The following CRISPLD2 variants were observed in gnomAD, a reference collection of about 807,000 sequenced individuals.
CRISPLD2 encodes cysteine rich secretory protein LCCL domain containing 2, also known as cysteine-rich secretory protein LCCL domain-containing 2.
A neutral mutation model predicts 71.1 loss-of-function variants in CRISPLD2; 47 were observed. The ratio of observed to expected loss-of-function variants is 0.66; its 90% CI spans 0.52 to 0.84. CRISPLD2 has a LOEUF of 0.84. Ranked by LOEUF, CRISPLD2 falls within the 40% of genes least tolerant of loss-of-function variation. The pLI is 0.00. For missense variants in CRISPLD2, 830 were observed against 651.1 expected, an observed-to-expected ratio of 1.27 and a Z score of -2.99; for synonymous variants, 317 against 250.1, an observed-to-expected ratio of 1.27 and a Z score of -2.52.
At chr16:84,885,452 C>A (rs1025981884) in intron 13 of CRISPLD2, among the ~76,000 whole-genome samples, 5 of 152,172 alleles carry the variant, frequency 3.3e-5, no homozygotes, top group Non-Finnish European at 7.3e-5. Flanking sequence ...ACAGGGAGGC[C>A]GGCCATCCCC....
At chr16:84,866,184 T>C (rs1355879916) in intron 6 of CRISPLD2, among the ~76,000 whole-genome samples, 1 of 151,976 alleles carries the variant, frequency 6.6e-6, no homozygotes, top group African/African-American at 2.4e-5. Context: ...GACAGGGGAC[T>C]TCCAGCAAGT....
At chr16:84,820,594 G>T (rs1265471021) in intron 1 of CRISPLD2, among the ~76,000 whole-genome samples, 3 of 152,168 alleles carry the variant, frequency 2.0e-5, no homozygotes, top group Non-Finnish European at 4.4e-5. Flanking sequence ...AGTTTAGAGG[G>T]CCACGCCCCT....
chr16:84,858,045 C>T (rs2143242053), intron 6 of CRISPLD2, among the ~76,000 whole-genome samples: 1 of 152,290 alleles, frequency 6.6e-6, no homozygotes, highest in South Asian at 2.1e-4. Context: ...AGGCCAAGAG[C>T]TGTCTCTCAA....
Position 84,867,190 on chromosome 16 carries a change from A to G in CRISPLD2, c.853+150A>G, listed in dbSNP as rs146140294. 4.1e-3 allele frequency: 3,065 copies of G among 751,274 alleles called. 57 individuals carry two copies. The African/African-American group carries it at 0.046, about 11-fold the overall frequency. 46.5% of individuals were successfully genotyped at this position (751,274 alleles called of 1,614,324 possible). ...CGGCGAAGCTCATGGAGGCACAACC[A>G]TAAGACGTTTTTCAAAAACGATATT... On this transcript the variant is annotated intron_variant, in intron 7 of 14. Transcript: ENST00000262424.
chr16:84,854,516 C>T (rs1470490950), intron 5 of CRISPLD2, among the ~76,000 whole-genome samples: 2 of 152,142 alleles, frequency 1.3e-5, no homozygotes, highest in Non-Finnish European at 2.9e-5. Flanking sequence ...TAGCTCCCTT[C>T]TGCAGAATCG....
chr16:84,834,613 G>A (rs1035016969), intron 1 of CRISPLD2, among the ~76,000 whole-genome samples: 4 of 152,210 alleles, frequency 2.6e-5, no homozygotes, highest in African/African-American at 9.7e-5. Flanking sequence ...AAACAGTCCT[G>A]TCCAGCCATG....
chr16:84,873,001 A>C lies in CRISPLD2; in HGVS notation c.991A>C (p.Ile331Leu). The C allele has an allele frequency of 6.2e-7, 1 of 1,612,976 alleles. No individual in the cohort carries two copies. ...GTLFYESSSS[I>L]CRAAIHYGIL... ...CTTCCCTTCCCGCCAGTCGTCTAGCATATGCCGCGCCGCCATCCACTACGG... is the reference window on the plus strand; with the variant it reads ...CTTCCCTTCCCGCCAGTCGTCTAGCCTATGCCGCGCCGCCATCCACTACGG... The change falls in exon 10 of 15, where the codon ATA becomes CTA. Residue 331 changes from isoleucine to leucine, a missense_variant. By Grantham distance (5) the Ile-to-Leu change is conservative. Transcript: ENST00000262424.
intron 4 of CRISPLD2, among the ~76,000 whole-genome samples, chr16:84,849,892 ATTT>A (rs67724936): frequency 1.2e-4 from 16 of 129,972 alleles, no homozygotes; most frequent in Non-Finnish European, 1.6e-4. Flanking sequence ...TAATTTTTGT[ATTT>A]TTTTTTTTTT....
At chr16:84,899,547 G>T (rs1378415303) in intron 14 of CRISPLD2, among the ~76,000 whole-genome samples, 3 of 152,190 alleles carry the variant, frequency 2.0e-5, no homozygotes, top group Admixed American at 2.0e-4. Flanking sequence ...AAACCTGCGG[G>T]AATTTTTACC....
intron 14 of CRISPLD2, among the ~76,000 whole-genome samples, chr16:84,896,635 A>G (rs1368525595): frequency 6.6e-6 from 1 of 152,110 alleles, no homozygotes; most frequent in Non-Finnish European, 1.5e-5. Flanking sequence ...AAGGTAGGCG[A>G]GGCTGAGCTG....
At chr16:84,900,009 G>A (rs1399070237) in intron 14 of CRISPLD2, among the ~76,000 whole-genome samples, 1 of 152,092 alleles carries the variant, frequency 6.6e-6, no homozygotes. Context: ...CATCCCCCAA[G>A]GCCTGAGGAG....
rs138673160 is a variant in CRISPLD2, at chr16:84,893,384, C to A, written c.1439+4021C>A. Among the ~76,000 whole-genome samples, 386 of 152,294 alleles carry A rather than the reference C, an allele frequency of 2.5e-3. 1 individual carries two copies. Among genetic ancestry groups the A allele is most frequent in the African/African-American group, 8.8e-3 (367 of 41,574 alleles). On this transcript the variant is annotated intron_variant, in intron 14 of 14. Transcript: ENST00000262424. Reference sequence around the variant, plus strand: ...CAGGTGGCTGGATCCTAAGAAATGGCCTACATGACTTATCTCTCAGGATGA... The same window carrying A: ...CAGGTGGCTGGATCCTAAGAAATGGACTACATGACTTATCTCTCAGGATGA...
intron 6 of CRISPLD2, among the ~76,000 whole-genome samples, chr16:84,858,252 T>C (rs1006642076): frequency 1.3e-5 from 2 of 152,188 alleles, no homozygotes; most frequent in Admixed American, 1.3e-4. Flanking sequence ...CCTGGACCTG[T>C]TGCAGAGCCT....
intron 6 of CRISPLD2, among the ~76,000 whole-genome samples, chr16:84,864,776 G>A (rs2143263655): frequency 6.6e-6 from 1 of 152,338 alleles, no homozygotes; most frequent in Non-Finnish European, 1.5e-5. Context: ...GTTCGCAGCT[G>A]GTGGATGAGG....
chr16:84,850,939 C>G (rs1459597565), intron 5 of CRISPLD2, among the ~76,000 whole-genome samples: 1 of 151,934 alleles, frequency 6.6e-6, no homozygotes, highest in Non-Finnish European at 1.5e-5. Context: ...CACATCTCCC[C>G]AAGCACAAGG....
Position 84,889,301 on chromosome 16 carries a change from G to C in CRISPLD2, c.1377G>C (p.Val459=), listed in dbSNP as rs915734546. The C allele has an allele frequency of 5.6e-6, 9 of 1,614,014 alleles. No individual in the cohort carries two copies. The Admixed American group carries it at 1.2e-4, about 21-fold the overall frequency. ...ACGAGAGTGGGGGTGACGTGGACGT[G>C]ATGCCCGTGGATAAAAAGAAGACCT... ...ISNESGGDVD[V]MPVDKKKTYV... The change falls in exon 14 of 15, where the codon GTG becomes GTC. Residue 459 remains valine (V), a synonymous_variant. Transcript: ENST00000262424.
chr16:84,893,096 C>G (rs2071676952), intron 14 of CRISPLD2, among the ~76,000 whole-genome samples: 1 of 151,842 alleles, frequency 6.6e-6, no homozygotes, highest in African/African-American at 2.4e-5. Context: ...GGAGTGAGCA[C>G]TGGAGCCCCC....
intron 8 of CRISPLD2, among the ~76,000 whole-genome samples, chr16:84,869,343 C>G (rs948625520): frequency 2.6e-5 from 4 of 152,204 alleles, no homozygotes; most frequent in African/African-American, 9.7e-5. Flanking sequence ...CCCTCAGAGT[C>G]AAATGGGAAA....
chr16:84,876,255 A>C (rs1412721412), intron 11 of CRISPLD2, among the ~76,000 whole-genome samples: 1 of 152,202 alleles, frequency 6.6e-6, no homozygotes, highest in East Asian at 1.9e-4. Flanking sequence ...TAATCCCAGC[A>C]CTTTGAGACG....
Sources: gnomAD v4.1 joint callset for allele counts (sites outside exome capture counted in the v4.1 genomes callset) on GRCh38, gnomAD v4.1.1 for gene constraint, MANE v1.5 for transcripts, NCBI Gene and HGNC (gene_info 2026-07-23, HGNC 2026-07-21) for gene names.